Variants in SLC14A2 observed in about 807,000 individuals in gnomAD.
The protein encoded by SLC14A2 is urea transporter 2.
Under a neutral mutation model 104.6 loss-of-function variants are expected in SLC14A2, and 91 were observed. The observed-to-expected ratio is 0.87, with a 90% CI of 0.73 to 1.04. The LOEUF is 1.04. SLC14A2 is among the 50% of genes least tolerant of loss of function. The pLI, the probability that SLC14A2 is intolerant of heterozygous loss-of-function variation, is 0.00. For missense variants in SLC14A2, 1,189 were observed against 1,156.0 expected (o/e 1.03, Z -0.41); for synonymous variants, 476 against 466.4 (o/e 1.02, Z -0.27).
At chr18:45,516,773 G>A (rs542116694) in intron 2 of SLC14A2, among the ~76,000 whole-genome samples, 4 of 152,332 alleles carry the variant, frequency 2.6e-5, no homozygotes, top group African/African-American at 7.2e-5. Flanking sequence ...AAAGATGGGA[G>A]AAGTACAAGC....
the SLC14A2 span, among the ~76,000 whole-genome samples, chr18:45,207,886 C>T: frequency 3.3e-5 from 5 of 152,108 alleles, no homozygotes; most frequent in Non-Finnish European, 5.9e-5. Context: ...GCTTTTACAG[C>T]AATTACCAAA....
At chr18:45,603,093 T>C (rs2044815705) in intron 2 of SLC14A2, among the ~76,000 whole-genome samples, 1 of 152,114 alleles carries the variant, frequency 6.6e-6, no homozygotes, top group Non-Finnish European at 1.5e-5. Context: ...TAGAGTGGTA[T>C]TGAGCAGATG....
chr18:45,509,876 A>C (rs1490390919), intron 2 of SLC14A2, among the ~76,000 whole-genome samples: 1 of 152,200 alleles, frequency 6.6e-6, no homozygotes, highest in Admixed American at 6.5e-5. Flanking sequence ...TGCTGCATAG[A>C]GAAAGGAACA....
At chr18:45,608,580 G>C (rs1358970500) in intron 2 of SLC14A2, among the ~76,000 whole-genome samples, 1 of 152,168 alleles carries the variant, frequency 6.6e-6, no homozygotes. Flanking sequence ...TTCACAACAA[G>C]CTCAATTTAC....
Position 45,617,526 on chromosome 18 carries a change from C to G in SLC14A2, c.-35+1944C>G, listed in dbSNP as rs79093537. 2.4e-3 allele frequency among the ~76,000 whole-genome samples: 364 copies of G among 152,122 alleles called. 10 individuals carry two copies. The highest frequency in any genetic ancestry group is 0.018 in the Admixed American group (269 of 15,296). Reference sequence around the variant, plus strand: ...AGCTGCCAAGAAAACTCTGAGCCACCCCTAATAAAAGCCGGCACTCAGCCA... The same window carrying G: ...AGCTGCCAAGAAAACTCTGAGCCACGCCTAATAAAAGCCGGCACTCAGCCA... On this transcript the variant is annotated intron_variant, in intron 1 of 19. Coordinates refer to ENST00000255226, the MANE Select transcript of SLC14A2 (RefSeq NM_007163.4).
At chr18:45,648,591 GT>G (rs1436977221) in intron 10 of SLC14A2, among the ~76,000 whole-genome samples, 1 of 151,812 alleles carries the variant, frequency 6.6e-6, no homozygotes, top group Admixed American at 6.6e-5. Context: ...TTATCCCTTT[GT>G]TTTAACCTTC....
intron 1 of SLC14A2, among the ~76,000 whole-genome samples, chr18:45,390,756 G>A (rs1047109882): frequency 1.3e-5 from 2 of 152,138 alleles, no homozygotes; most frequent in African/African-American, 4.8e-5. Flanking sequence ...CTGGAGCCAG[G>A]CACCAAGCTG....
intron 2 of SLC14A2, among the ~76,000 whole-genome samples, chr18:45,535,253 TGGA>T (rs748602599): frequency 6.6e-6 from 1 of 152,226 alleles, no homozygotes; most frequent in East Asian, 1.9e-4. Context: ...ATGACAAAGC[TGGA>T]GGAGATTATT....
chr18:45,383,358 T>G (rs138837094), intron 1 of SLC14A2, among the ~76,000 whole-genome samples: 2 of 152,296 alleles, frequency 1.3e-5, no homozygotes, highest in African/African-American at 4.8e-5. Context: ...CCCTATGGAA[T>G]CTCCTTCAGC....
At chr18:45,508,076 A>G (rs1047228941) in intron 2 of SLC14A2, among the ~76,000 whole-genome samples, 1 of 152,222 alleles carries the variant, frequency 6.6e-6, no homozygotes, top group African/African-American at 2.4e-5. Context: ...TAGAAACATC[A>G]TCATCCAACA....
intron 1 of SLC14A2, among the ~76,000 whole-genome samples, chr18:45,416,754 T>G (rs1169120974): frequency 1.3e-5 from 2 of 152,240 alleles, no homozygotes; most frequent in Non-Finnish European, 2.9e-5. Context: ...AGAGATATTT[T>G]AAGCTGCCAT....
intron 1 of SLC14A2, among the ~76,000 whole-genome samples, chr18:45,350,365 A>G (rs188692911): frequency 1.9e-4 from 29 of 152,346 alleles, no homozygotes; most frequent in Non-Finnish European, 3.7e-4. Context: ...ACAGTTGATT[A>G]TAAAACAAAC....
At position 45,301,110 on chromosome 18, in the gene SLC14A2, C is replaced by G. The variant is rs1184588295; in HGVS notation, c.-125+87919C>G. On this transcript the variant is annotated intron_variant, in intron 1 of 20. Coordinates refer to the SLC14A2 transcript ENST00000586448. ...CAGAGGCACAGTGCTCACCACTCTTCTTAACACATTTTGCCATTTTATAAA... is the reference window on the plus strand; with the variant it reads ...CAGAGGCACAGTGCTCACCACTCTTGTTAACACATTTTGCCATTTTATAAA... Among the ~76,000 whole-genome samples, 3 of 152,336 alleles carry G rather than the reference C, an allele frequency of 2.0e-5. No homozygotes were observed. The East Asian group carries it at 5.8e-4, about 29-fold the overall frequency.
chr18:45,342,329 C>T (rs1308241536), intron 1 of SLC14A2, among the ~76,000 whole-genome samples: 1 of 152,104 alleles, frequency 6.6e-6, no homozygotes, highest in Non-Finnish European at 1.5e-5. Context: ...TGAGATATGG[C>T]AGATAAGAAG....
intron 16 of SLC14A2, among the ~76,000 whole-genome samples, chr18:45,671,448 G>A (rs2046134199): frequency 6.6e-6 from 1 of 152,134 alleles, no homozygotes; most frequent in East Asian, 1.9e-4. Context: ...GTGAATTTCA[G>A]AGGGATTGTC....
chr18:45,536,782 T>C (rs78089772), intron 2 of SLC14A2, among the ~76,000 whole-genome samples: 2,047 of 152,218 alleles, frequency 0.013, 39 homozygotes, highest in African/African-American at 0.047. Flanking sequence ...AATATCCAGA[T>C]TTGTCACATT....
At chr18:45,210,476 G>A (rs2083952460), upstream of SLC14A2, among the ~76,000 whole-genome samples, 1 of 152,156 alleles carries the variant, frequency 6.6e-6, no homozygotes, top group African/African-American at 2.4e-5. Flanking sequence ...CTATTCAGTA[G>A]GCTGAGGCAG....
rs755984251 is a variant in SLC14A2 at position 45,669,456 on chromosome 18, C to T, written c.2187C>T (p.Ser729=). 17 of 1,613,980 alleles carry T rather than the reference C, an allele frequency of 1.1e-5. No homozygotes were observed. Among genetic ancestry groups the T allele is most frequent in the South Asian group, 5.5e-5 (5 of 91,084 alleles). Residue 729 remains serine (S), a synonymous_variant, in exon 16 of 20, where the codon TCC becomes TCT. Transcript: ENST00000255226. The part of the protein sequence containing the change: ...FFPTTLLQPA[S]AMPNITWSEV... The stretch of plus-strand genomic sequence containing the variant: ...CCACAACGCTGCTGCAGCCTGCATC[C>T]GCCATGCCCAACATCACCTGGTCAG...
At chr18:45,401,062 A>G (rs948796791) in intron 1 of SLC14A2, among the ~76,000 whole-genome samples, 4 of 152,200 alleles carry the variant, frequency 2.6e-5, no homozygotes, top group African/African-American at 4.8e-5. Flanking sequence ...TCTGGGTGAT[A>G]GGTGTACTCA....
Sources: allele counts gnomAD v4.1 joint callset (sites outside exome capture counted in the v4.1 genomes callset), GRCh38; gene constraint gnomAD v4.1.1; transcripts MANE v1.5; gene names NCBI Gene and HGNC (gene_info 2026-07-23, HGNC 2026-07-21).